The following RUNX1 variants were observed in gnomAD, a reference collection of about 807,000 sequenced individuals.
RUNX1 encodes the protein runt-related transcription factor 1.
In RUNX1, 19 loss-of-function variants were observed where a neutral mutation model predicts 42.8. The observed-to-expected ratio is 0.44, with a 90% CI of 0.31 to 0.65. The LOEUF (loss-of-function observed/expected upper bound fraction) is 0.65, where lower values mean the gene tolerates loss of function less well. Ranked by LOEUF, RUNX1 falls within the 30% of genes least tolerant of loss-of-function variation. The pLI is 0.07. For missense variants in RUNX1, 528 were observed against 672.0 expected (o/e 0.79, Z 2.37); for synonymous variants, 271 against 289.4 (o/e 0.94, Z 0.64).
chr21:34,921,395 T>G (rs937297643), intron 2 of RUNX1, among the ~76,000 whole-genome samples: 5 of 151,924 alleles, frequency 3.3e-5, no homozygotes, highest in African/African-American at 4.8e-5. Flanking sequence ...TTGTACAGTA[T>G]TTTTTGTGTC....
chr21:34,853,312 T>C (rs1392399303), intron 6 of RUNX1, among the ~76,000 whole-genome samples: 4 of 152,082 alleles, frequency 2.6e-5, no homozygotes, highest in Non-Finnish European at 5.9e-5. Context: ...GATTCCCTCC[T>C]GTCAGTACAA....
chr21:34,920,784 T>C (rs1000156316), intron 2 of RUNX1, among the ~76,000 whole-genome samples: 7 of 55,432 alleles, frequency 1.3e-4, no homozygotes, highest in Admixed American at 6.3e-4. Context: ...AAACATTTTT[T>C]CATGTTTTTT....
Position 34,982,739 on chromosome 21 carries a change from T to G in RUNX1, c.58+66103A>C, listed in dbSNP as rs1010197956. Among the ~76,000 whole-genome samples, 14 of 152,150 alleles carry G rather than the reference T, an allele frequency of 9.2e-5. No homozygotes were observed. The East Asian group carries it at 1.5e-3, about 17-fold the overall frequency. The stretch of plus-strand genomic sequence containing the variant: ...CGCGTGCCACAACACCCAGCTAATT[T>G]TTGTATTTTTAGTAGAGACGGGGTT... On this transcript the variant is annotated intron_variant, in intron 2 of 8. Coordinates refer to ENST00000675419, the MANE Select transcript of RUNX1 (RefSeq NM_001754.5).
intron 2 of RUNX1, among the ~76,000 whole-genome samples, chr21:34,940,414 C>T (rs2058518232): frequency 6.6e-6 from 1 of 152,182 alleles, no homozygotes; most frequent in African/African-American, 2.4e-5. Context: ...AAGTTCTAAA[C>T]ACACAGAAAA....
chr21:34,985,741 A>G (rs867664504), intron 2 of RUNX1, among the ~76,000 whole-genome samples: 45 of 151,860 alleles, frequency 3.0e-4, no homozygotes, highest in African/African-American at 1.1e-3. Context: ...ATATTTTATT[A>G]TCCTATATTA....
chr21:34,893,026 C>A, intron 2 of RUNX1, 63 bp from the exon 3 acceptor site: 2 of 852,726 alleles, frequency 2.3e-6, no homozygotes, highest in Admixed American at 4.7e-5. Flanking sequence ...TTTCCCCCGA[C>A]TTTTTTTTTT....
intron 7 of RUNX1, among the ~76,000 whole-genome samples, chr21:34,816,502 G>A (rs949818546): frequency 4.6e-5 from 7 of 152,128 alleles, no homozygotes; most frequent in East Asian, 1.9e-4. Context: ...TTGGTGAAGC[G>A]TCACTCAAAC....
chr21:34,976,882 TG>T (rs2058806167), intron 2 of RUNX1, among the ~76,000 whole-genome samples: 1 of 151,442 alleles, frequency 6.6e-6, no homozygotes, highest in African/African-American at 2.4e-5. Flanking sequence ...ATGCTAGAGG[TG>T]GATCTCACAA....
Position 34,993,974 on chromosome 21 carries a change from T to A in RUNX1, c.58+54868A>T, listed in dbSNP as rs747199596. 3.3e-5 allele frequency among the ~76,000 whole-genome samples: 5 copies of A among 152,342 alleles called. No individual in the cohort carries two copies. In the East Asian group the frequency reaches 9.6e-4, roughly 29 times the overall value. The stretch of plus-strand genomic sequence containing the variant: ...TTTCCTAAAAGCAGATTTTTTCATA[T>A]CCTTTGAAGTCAAGCAAGTGGTTTT... On this transcript the variant is annotated intron_variant, in intron 2 of 8. Transcript: ENST00000675419.
intron 7 of RUNX1, among the ~76,000 whole-genome samples, chr21:34,814,966 AC>A (rs1344745931): frequency 1.3e-5 from 2 of 152,068 alleles, no homozygotes; most frequent in Non-Finnish European, 2.9e-5. Context: ...ATTGTGTACT[AC>A]CCCGAAAAAA....
chr21:34,830,892 T>C (rs1384857769), intron 7 of RUNX1, among the ~76,000 whole-genome samples: 3 of 152,202 alleles, frequency 2.0e-5, no homozygotes, highest in Non-Finnish European at 4.4e-5. Flanking sequence ...CTAGTTTATC[T>C]AGGTTTCAGT....
intron 2 of RUNX1, among the ~76,000 whole-genome samples, chr21:34,899,445 G>A (rs911692282): frequency 2.6e-5 from 4 of 151,502 alleles, no homozygotes; most frequent in African/African-American, 4.9e-5. Flanking sequence ...TCCCTCCACC[G>A]AACCCAATCG....
At chr21:34,892,125 T>G (rs935064911) in intron 3 of RUNX1, among the ~76,000 whole-genome samples, 1 of 152,230 alleles carries the variant, frequency 6.6e-6, no homozygotes, top group African/African-American at 2.4e-5. Flanking sequence ...AAGAATTATT[T>G]CTATTTTAAA....
At chr21:34,921,399 TTG>T in intron 2 of RUNX1, among the ~76,000 whole-genome samples, 1 of 152,326 alleles carries the variant, frequency 6.6e-6, no homozygotes, top group Non-Finnish European at 1.5e-5. Flanking sequence ...ACAGTATTTT[TTG>T]TGTCTGACTT....
chr21:34,860,850 A>G (rs991297485), intron 5 of RUNX1, among the ~76,000 whole-genome samples: 2 of 152,366 alleles, frequency 1.3e-5, no homozygotes, highest in African/African-American at 2.4e-5. Flanking sequence ...CTTTGGCCAC[A>G]GCAAGCCACG....
At chr21:34,837,797 T>C (rs554658300) in intron 6 of RUNX1, among the ~76,000 whole-genome samples, 4 of 152,296 alleles carry the variant, frequency 2.6e-5, no homozygotes, top group East Asian at 1.9e-4. Flanking sequence ...CAACTGTGAA[T>C]GTTTACAGGG....
At chr21:34,936,764 G>A (rs1186406151) in intron 2 of RUNX1, among the ~76,000 whole-genome samples, 3 of 152,142 alleles carry the variant, frequency 2.0e-5, no homozygotes, top group Admixed American at 6.5e-5. Context: ...AAAAGACTCT[G>A]TTTTAAAGCT....
intron 2 of RUNX1, among the ~76,000 whole-genome samples, chr21:35,025,936 G>C (rs1274245548): frequency 1.3e-5 from 2 of 152,132 alleles, no homozygotes; most frequent in African/African-American, 4.8e-5. Flanking sequence ...AATGAGTATG[G>C]ACTGTTTCTA....
intron 4 of RUNX1, 119 bp downstream of exon 4, chr21:34,886,724 G>A (rs1268823191): frequency 1.3e-6 from 2 of 1,503,708 alleles, no homozygotes; most frequent in East Asian, 4.8e-5. Flanking sequence ...AGACCGACCC[G>A]GGGCTGCGGG....
Sources: gnomAD v4.1 joint callset for allele counts (sites outside exome capture counted in the v4.1 genomes callset) on GRCh38, gnomAD v4.1.1 for gene constraint, MANE v1.5 for transcripts, NCBI Gene and HGNC (gene_info 2026-07-23, HGNC 2026-07-21) for gene names.